PIP4K2B: variants seen among roughly 807,000 people sequenced by gnomAD.
PIP4K2B encodes phosphatidylinositol-5-phosphate 4-kinase type 2 beta.
Under a neutral mutation model 42.0 loss-of-function variants are expected in PIP4K2B, and 3 were observed. The observed-to-expected ratio is 0.07, with a 90% CI of 0.03 to 0.18. The LOEUF is 0.18. Ranked by LOEUF, PIP4K2B falls within the 10% of genes least tolerant of loss-of-function variation. PIP4K2B has a pLI of 1.00. For synonymous variants in PIP4K2B, 204 were observed against 210.1 expected (o/e 0.97, Z 0.25); for missense variants, 332 against 562.3 (o/e 0.59, Z 4.14).
At chr17:38,792,236 C>T (rs1238599619) in intron 1 of PIP4K2B, among the ~76,000 whole-genome samples, 3 of 152,146 alleles carry the variant, frequency 2.0e-5, no homozygotes, top group Non-Finnish European at 4.4e-5. Flanking sequence ...GCAGCCTCAA[C>T]TTCCTGAGCT....
intron 5 of PIP4K2B, 90 bp downstream of exon 5, chr17:38,779,293 G>T: frequency 7.7e-7 from 1 of 1,299,360 alleles, no homozygotes; most frequent in Non-Finnish European, 1.1e-6. Context: ...ATAGGCTCCA[G>T]CTTCCCAATT....
At chr17:38,779,818 A>G (rs1036793985) in intron 4 of PIP4K2B, 1 of 379,786 alleles carries the variant, frequency 2.6e-6, no homozygotes, top group Non-Finnish European at 4.8e-6. Flanking sequence ...TGTTTAAAGT[A>G]GGATTCTACC....
rs143351168 is a variant in PIP4K2B, at chr17:38,784,252, C to T, written c.345G>A (p.Gln115=). The T allele has an allele frequency of 5.7e-5, 91 of 1,606,066 alleles. No homozygotes were observed. In the East Asian group the frequency reaches 2.0e-3, roughly 35 times the overall value. Residue 115 remains glutamine, a synonymous_variant, in exon 3 of 10, where the codon CAG becomes CAA. Transcript: ENST00000619039. ...NLRERFGIDD[Q]DYQNSVTRSA... is the part of the protein sequence containing the mutation. Reference sequence around the variant, plus strand: ...CCAGGAGCCTCCATACCTGGTAATCCTGATCATCAATTCCAAACCTCTCCC... The same window carrying T: ...CCAGGAGCCTCCATACCTGGTAATCTTGATCATCAATTCCAAACCTCTCCC...
At chr17:38,791,406 A>ATTTTTTTTTTTTTTTTTTTTT (rs58027566) in intron 1 of PIP4K2B, among the ~76,000 whole-genome samples, 1 of 91,156 alleles carries the variant, frequency 1.1e-5, no homozygotes, top group Non-Finnish European at 2.0e-5. Context: ...CAGACTGCCA[A>ATTTTTTTTTTTTTTTTTTTTT]TTTTTTTTTT....
chr17:38,777,636 A>G (rs1477041549), intron 7 of PIP4K2B, 51 bp downstream of exon 7: 2 of 1,152,438 alleles, frequency 1.7e-6, no homozygotes, highest in East Asian at 2.3e-5. Context: ...AGAGGCGCCT[A>G]CTCTAGGTAC....
intron 7 of PIP4K2B, among the ~76,000 whole-genome samples, chr17:38,772,607 G>C (rs1004063949): frequency 6.6e-6 from 1 of 152,140 alleles, no homozygotes. Context: ...TTTTGAGACA[G>C]AGTCTTGCTC....
intron 5 of PIP4K2B, among the ~76,000 whole-genome samples, chr17:38,778,740 G>A (rs555568923): frequency 3.8e-4 from 58 of 152,280 alleles, no homozygotes; most frequent in African/African-American, 7.7e-4. Flanking sequence ...ACACGGGCCC[G>A]GCCTGGGGAG....
At chr17:38,797,093 G>T (rs911816914) in intron 1 of PIP4K2B, among the ~76,000 whole-genome samples, 1 of 152,218 alleles carries the variant, frequency 6.6e-6, no homozygotes, top group East Asian at 1.9e-4. Flanking sequence ...AAGTTCCCAT[G>T]AGATGCCTGT....
At chr17:38,779,238 A>G (rs1285299977) in intron 5 of PIP4K2B, 145 bp downstream of exon 5, 13 of 757,682 alleles carry the variant, frequency 1.7e-5, no homozygotes, top group Non-Finnish European at 2.8e-5. Flanking sequence ...TTGGTCCACA[A>G]GAATCAGGCA....
At chr17:38,781,719 G>A (rs1306080560) in intron 3 of PIP4K2B, among the ~76,000 whole-genome samples, 1 of 151,782 alleles carries the variant, frequency 6.6e-6, no homozygotes, top group East Asian at 1.9e-4. Flanking sequence ...GTTTCGCCAT[G>A]TTTCCCAGGC....
chr17:38,781,784 T>G (rs1300054278), intron 3 of PIP4K2B, among the ~76,000 whole-genome samples: 1 of 151,904 alleles, frequency 6.6e-6, no homozygotes, highest in Non-Finnish European at 1.5e-5. Context: ...CCCAAAGTGC[T>G]AGGATTACAG....
At chr17:38,776,334 T>C (rs1909341314) in intron 7 of PIP4K2B, among the ~76,000 whole-genome samples, 1 of 152,172 alleles carries the variant, frequency 6.6e-6, no homozygotes, top group South Asian at 2.1e-4. Context: ...AATTGAACAC[T>C]GATTGCCAGG....
chr17:38,789,585 T>G (rs1441051671), intron 1 of PIP4K2B, among the ~76,000 whole-genome samples: 1 of 152,094 alleles, frequency 6.6e-6, no homozygotes, highest in African/African-American at 2.4e-5. Context: ...GGAGCATAAA[T>G]GGGGGAAATG....
intron 7 of PIP4K2B, among the ~76,000 whole-genome samples, chr17:38,774,844 G>A (rs1266941003): frequency 2.0e-5 from 3 of 152,306 alleles, no homozygotes; most frequent in East Asian, 3.9e-4. Flanking sequence ...TATAGGTTTT[G>A]TTTCTCTGGA....
At chr17:38,788,661 AC>A (rs1910173575) in intron 1 of PIP4K2B, among the ~76,000 whole-genome samples, 1 of 151,838 alleles carries the variant, frequency 6.6e-6, no homozygotes, top group Non-Finnish European at 1.5e-5. Flanking sequence ...GTTCTATACC[AC>A]CCTGGGCAAC....
rs749438466 is a variant in PIP4K2B at position 38,769,718 on chromosome 17, G to A, written c.1224C>T (p.Asn408=). 2.2e-5 allele frequency: 35 copies of A among 1,605,006 alleles called. 1 individual carries two copies. The highest frequency in any genetic ancestry group is 1.6e-4 in the Middle Eastern group (1 of 6,072). Residue 408 remains asparagine (N), a synonymous_variant, in exon 10 of 10, where the codon AAC becomes AAT. Coordinates refer to ENST00000619039, the MANE Select transcript of PIP4K2B (RefSeq NM_003559.5). Reference sequence around the variant, plus strand: ...ACGTCAGGATGTTGGACATAAACTCGTTGAAGCGTTTGGAGTACTGCTCAG... The same window carrying A: ...ACGTCAGGATGTTGGACATAAACTCATTGAAGCGTTTGGAGTACTGCTCAG... ...VNPEQYSKRF[N]EFMSNILT
chr17:38,772,036 T>TA (rs1909075951), intron 7 of PIP4K2B, among the ~76,000 whole-genome samples: 1 of 151,886 alleles, frequency 6.6e-6, no homozygotes, highest in African/African-American at 2.4e-5. Context: ...TCTCTTGTTT[T>TA]AAAAAAAGAG....
Position 38,777,804 on chromosome 17 carries a change from G to A in PIP4K2B, c.694-4C>T. 2 of 1,603,532 alleles carry A rather than the reference G, an allele frequency of 1.2e-6. No individual in the cohort carries two copies. Among genetic ancestry groups the A allele is most frequent in the East Asian group, 2.2e-5 (1 of 44,834 alleles). On this transcript the variant is annotated splice_region_variant and splice_polypyrimidine_tract_variant and intron_variant, in intron 6 of 9. Transcript: ENST00000619039. ...TGAATGTTGGCAAGTCCTTGGCCTAGGAGAGCAACAGCAGTTAGGCTGGGT... is the reference window on the plus strand; with the variant it reads ...TGAATGTTGGCAAGTCCTTGGCCTAAGAGAGCAACAGCAGTTAGGCTGGGT...
chr17:38,795,206 T>C (rs1008721581), intron 1 of PIP4K2B, among the ~76,000 whole-genome samples: 1 of 147,980 alleles, frequency 6.8e-6, no homozygotes, highest in African/African-American at 2.5e-5. Flanking sequence ...ATCTAGAATA[T>C]AAAAAGAATT....
Sources: allele counts gnomAD v4.1 joint callset (sites outside exome capture counted in the v4.1 genomes callset), GRCh38; gene constraint gnomAD v4.1.1; transcripts MANE v1.5; gene names NCBI Gene and HGNC (gene_info 2026-07-23, HGNC 2026-07-21).